Variants in FSTL4 observed in about 807,000 individuals in gnomAD.
FSTL4 encodes the protein follistatin-related protein 4.
Under a neutral mutation model 78.2 loss-of-function variants are expected in FSTL4, and 28 were observed. That is an observed-to-expected ratio of 0.36 (90% CI 0.27 to 0.49). FSTL4 has a LOEUF of 0.49. Ranked by LOEUF, FSTL4 falls within the 20% of genes least tolerant of loss-of-function variation. The pLI, the probability that FSTL4 is intolerant of heterozygous loss-of-function variation, is 0.98. For missense variants in FSTL4, 922 were observed against 1,084.9 expected (o/e 0.85, Z 2.11); for synonymous variants, 422 against 440.5 (o/e 0.96, Z 0.53).
At chr5:133,589,819 T>C (rs1372618165) in intron 2 of FSTL4, among the ~76,000 whole-genome samples, 1 of 152,176 alleles carries the variant, frequency 6.6e-6, no homozygotes, top group Non-Finnish European at 1.5e-5. Context: ...TGGTTAGGAA[T>C]ACATGCTAGA....
chr5:133,707,249 C>T, the FSTL4 span, among the ~76,000 whole-genome samples: 1 of 152,138 alleles, frequency 6.6e-6, no homozygotes, highest in African/African-American at 2.4e-5. Flanking sequence ...AGGATCCTGC[C>T]CACCAGCAGT....
the FSTL4 span, among the ~76,000 whole-genome samples, chr5:133,690,885 A>T: frequency 6.6e-6 from 1 of 152,228 alleles, no homozygotes; most frequent in Non-Finnish European, 1.5e-5. Flanking sequence ...CTCAGAAAGA[A>T]CAAGCCCTCC....
chr5:133,485,103 G>A (rs138540134), intron 3 of FSTL4, among the ~76,000 whole-genome samples: 4 of 152,218 alleles, frequency 2.6e-5, no homozygotes, highest in Non-Finnish European at 4.4e-5. Context: ...GTTTAAAAAT[G>A]AAATGTGTCT....
intron 6 of FSTL4, among the ~76,000 whole-genome samples, chr5:133,263,913 G>A (rs1320944099): frequency 1.3e-5 from 2 of 152,208 alleles, no homozygotes; most frequent in East Asian, 3.9e-4. Context: ...TGTGCATTGT[G>A]ACAGAAGGTG....
At chr5:133,724,026 A>G in the FSTL4 span, among the ~76,000 whole-genome samples, 1,428 of 152,346 alleles carry the variant, frequency 9.4e-3, 35 homozygotes, top group African/African-American at 0.033. Context: ...AGGATGGAGA[A>G]GTACAATGGC....
chr5:133,807,037 T>A, the FSTL4 span, among the ~76,000 whole-genome samples: 1 of 139,716 alleles, frequency 7.2e-6, no homozygotes, highest in South Asian at 2.5e-4. Flanking sequence ...TATGCATAAG[T>A]TTCATGGATA....
chr5:133,444,815 C>T (rs1757227305), intron 3 of FSTL4, among the ~76,000 whole-genome samples: 1 of 152,220 alleles, frequency 6.6e-6, no homozygotes, highest in Non-Finnish European at 1.5e-5. Context: ...GACACGAGGG[C>T]TCAAGCAGCC....
the FSTL4 span, among the ~76,000 whole-genome samples, chr5:133,731,543 G>A: frequency 1.3e-5 from 2 of 152,200 alleles, no homozygotes; most frequent in Non-Finnish European, 2.9e-5. Flanking sequence ...AGGCTTCTTA[G>A]AGAGATGATA....
the FSTL4 span, among the ~76,000 whole-genome samples, chr5:133,635,992 G>A: frequency 6.6e-6 from 1 of 152,170 alleles, no homozygotes. Flanking sequence ...CATAGTGCAT[G>A]GCATCACGTG....
In FSTL4 at chr5:133,198,978, C is replaced by T. The variant is rs1346461841; in HGVS notation, c.*117G>A. ...AACTTGCAAGGAGACCAGTGTTGAACCACAAAGCGAGTACAGGTTTTTGCT... is the reference window on the plus strand; with the variant it reads ...AACTTGCAAGGAGACCAGTGTTGAATCACAAAGCGAGTACAGGTTTTTGCT... On this transcript the variant is annotated 3_prime_UTR_variant, in exon 16 of 16. Transcript: ENST00000265342. 3.3e-6 allele frequency: 2 copies of T among 614,958 alleles called. No individual in the cohort carries two copies. The highest frequency in any genetic ancestry group is 5.6e-6 in the Non-Finnish European group (2 of 359,688). 38.1% of individuals were successfully genotyped at this position (614,958 alleles called of 1,614,324 possible).
At position 133,286,740 on chromosome 5, in the gene FSTL4, A is replaced by G. The variant is rs118137246; in HGVS notation, c.727+25914T>C. The stretch of plus-strand genomic sequence containing the variant: ...AGCTGGCCCACAGTGGACTGCAAGG[A>G]TCCTAACAAGCAGATCAGCCTTCTT... On this transcript the variant is annotated intron_variant, in intron 6 of 15. Transcript: ENST00000265342. 9.6e-3 allele frequency among the ~76,000 whole-genome samples: 1,466 copies of G among 152,250 alleles called. 16 individuals are homozygous for G. Among genetic ancestry groups the G allele is most frequent in the South Asian group, 0.037 (179 of 4,816 alleles).
intron 3 of FSTL4, among the ~76,000 whole-genome samples, chr5:133,421,610 G>A (rs533670437): frequency 1.2e-4 from 19 of 152,242 alleles, no homozygotes; most frequent in Admixed American, 5.9e-4. Flanking sequence ...GTCCAGGAGG[G>A]GGAGCCATTT....
At chr5:133,519,492 G>A (rs536489390) in intron 3 of FSTL4, among the ~76,000 whole-genome samples, 111 of 152,280 alleles carry the variant, frequency 7.3e-4, no homozygotes, top group Non-Finnish European at 1.2e-3. Flanking sequence ...AATCACCAAC[G>A]TGCACGCTTC....
intron 6 of FSTL4, among the ~76,000 whole-genome samples, chr5:133,277,801 T>G (rs1191217486): frequency 2.0e-5 from 3 of 152,166 alleles, no homozygotes; most frequent in Non-Finnish European, 2.9e-5. Context: ...GAGGAAGCCC[T>G]CTTCTGAACT....
At chr5:133,233,368 A>G (rs775553335) in intron 8 of FSTL4, 49 bp downstream of exon 8, 6 of 1,607,520 alleles carry the variant, frequency 3.7e-6, no homozygotes, top group Non-Finnish European at 5.1e-6. Flanking sequence ...TCTGAGCAGC[A>G]GTTTGGGGAG....
In FSTL4 at chr5:133,289,599, C is replaced by T. The variant is rs374213428; in HGVS notation, c.727+23055G>A. Among the ~76,000 whole-genome samples the T allele has an allele frequency of 8.5e-5, 13 of 152,334 alleles. No homozygotes were observed. The South Asian group carries it at 2.5e-3, about 29-fold the overall frequency. ...CAGGATCCATGCTGAAGGAAAAGGC[C>T]TCTAAGACACAGGGCAGAGGGGCAG... is the stretch of plus-strand genomic sequence containing the variant. On this transcript the variant is annotated intron_variant, in intron 6 of 15. Transcript: ENST00000265342.
At chr5:133,603,282 C>T (rs1022465356) in intron 2 of FSTL4, among the ~76,000 whole-genome samples, 4 of 152,150 alleles carry the variant, frequency 2.6e-5, no homozygotes, top group African/African-American at 9.7e-5. Context: ...ATTAGCAGAA[C>T]ATCCAGACTC....
At chr5:133,748,664 C>A in the FSTL4 span, among the ~76,000 whole-genome samples, 2 of 152,204 alleles carry the variant, frequency 1.3e-5, no homozygotes, top group African/African-American at 2.4e-5. Flanking sequence ...GGGAGCTGGG[C>A]AGACTGGCTA....
chr5:133,720,182 T>G, the FSTL4 span, among the ~76,000 whole-genome samples: 1 of 152,190 alleles, frequency 6.6e-6, no homozygotes, highest in Non-Finnish European at 1.5e-5. Flanking sequence ...GAGATGCTCA[T>G]AGTAGGAAAA....
Sources: gnomAD v4.1 joint callset for allele counts (sites outside exome capture counted in the v4.1 genomes callset) on GRCh38, gnomAD v4.1.1 for gene constraint, MANE v1.5 for transcripts, NCBI Gene and HGNC (gene_info 2026-07-23, HGNC 2026-07-21) for gene names.